The following EIF4EBP1 variants were observed in gnomAD, a reference collection of about 807,000 sequenced individuals.
EIF4EBP1 encodes eukaryotic translation initiation factor 4E-binding protein 1.
EIF4EBP1 carries 5 observed loss-of-function variants against 9.2 expected under a neutral mutation model. The observed-to-expected ratio is 0.54, with a 90% CI of 0.28 to 1.14. EIF4EBP1 has a LOEUF of 1.14. EIF4EBP1 is among the 50% of genes most tolerant of loss of function. The pLI is 0.09. For missense variants in EIF4EBP1, 139 were observed against 169.6 expected, an observed-to-expected ratio of 0.82 and a Z score of 1.00; for synonymous variants, 62 against 67.0, an observed-to-expected ratio of 0.93 and a Z score of 0.36.
Position 38,057,102 on chromosome 8 carries a change from G to A in EIF4EBP1, c.167G>A (p.Arg56Gln), listed in dbSNP as rs767454211. The A allele has an allele frequency of 5.0e-6, 8 of 1,614,142 alleles. No homozygotes were observed. The highest frequency in any genetic ancestry group is 1.1e-5 in the South Asian group (1 of 91,082). The change falls in exon 2 of 3, where the codon CGG becomes CAG. Residue 56 changes from arginine to glutamine, a missense_variant. Coordinates refer to ENST00000338825, the MANE Select transcript of EIF4EBP1 (RefSeq NM_004095.4). Reference protein sequence around the residue: ...TPGGTRIIYDRKFLMECRNSP... With the variant: ...TPGGTRIIYDQKFLMECRNSP... ...CTAGGTACCAGGATCATCTATGACCGGAAATTCCTGATGGAGTGTCGGAAC... is the reference window on the plus strand; with the variant it reads ...CTAGGTACCAGGATCATCTATGACCAGAAATTCCTGATGGAGTGTCGGAAC...
At chr8:38,051,438 T>C (rs1350604340) in intron 1 of EIF4EBP1, among the ~76,000 whole-genome samples, 5 of 152,170 alleles carry the variant, frequency 3.3e-5, no homozygotes, top group African/African-American at 1.2e-4. Flanking sequence ...ATGTCATGGC[T>C]CTGCCATCTT....
chr8:38,059,618 G>A (rs1809642518), intron 2 of EIF4EBP1, among the ~76,000 whole-genome samples: 1 of 151,884 alleles, frequency 6.6e-6, no homozygotes, highest in Non-Finnish European at 1.5e-5. Context: ...TGGGTGTGGT[G>A]GTGGGTGCCT....
At position 38,044,601 on chromosome 8, in the gene EIF4EBP1, G is replaced by C. The variant is rs571956214; in HGVS notation, c.146-12480G>C. Among the ~76,000 whole-genome samples, 14 of 152,264 alleles carry C rather than the reference G, an allele frequency of 9.2e-5. No homozygotes were observed. In the South Asian group the frequency reaches 2.7e-3, roughly 29 times the overall value. On this transcript the variant is annotated intron_variant, in intron 1 of 2. Coordinates refer to ENST00000338825, the MANE Select transcript of EIF4EBP1 (RefSeq NM_004095.4). ...TCATAGGCGCACGCCATCATGCCAG[G>C]CTACTTTTTAAATTTTTTGTAGAGA...
chr8:38,037,634 T>C (rs969488846), intron 1 of EIF4EBP1, among the ~76,000 whole-genome samples: 1 of 151,950 alleles, frequency 6.6e-6, no homozygotes, highest in Non-Finnish European at 1.5e-5. Context: ...GTTTTCTTAC[T>C]GTCAGGCCTG....
In EIF4EBP1 at chr8:38,030,679, A is replaced by C; in HGVS notation, c.106A>C (p.Thr36Pro). The C allele has an allele frequency of 6.7e-7, 1 of 1,485,752 alleles. No homozygotes were observed. The highest frequency in any genetic ancestry group is 1.3e-5 in the South Asian group (1 of 78,388). 92.0% of individuals were successfully genotyped at this position (1,485,752 alleles called of 1,614,324 possible). ...GVQLPPGDYS[T>P]TPGGTLFSTT... Reference sequence around the variant, plus strand: ...GCAGCTCCCGCCCGGGGACTACAGCACGACCCCCGGCGGCACGCTCTTCAG... The same window carrying C: ...GCAGCTCCCGCCCGGGGACTACAGCCCGACCCCCGGCGGCACGCTCTTCAG... Residue 36 changes from threonine to proline, a missense_variant, in exon 1 of 3, where the codon ACG (threonine) becomes CCG (proline). Thr to Pro is a conservative substitution (Grantham distance 38). Transcript: ENST00000338825.
intron 1 of EIF4EBP1, among the ~76,000 whole-genome samples, chr8:38,033,797 A>G (rs1163448110): frequency 2.5e-5 from 3 of 121,626 alleles, no homozygotes; most frequent in African/African-American, 9.7e-5. Context: ...CCCAAGCTGG[A>G]GTGCAATGGT....
intron 1 of EIF4EBP1, among the ~76,000 whole-genome samples, chr8:38,056,445 G>T (rs569318146): frequency 2.6e-5 from 4 of 152,190 alleles, no homozygotes; most frequent in African/African-American, 9.7e-5. Context: ...GTATGTGATT[G>T]TCATGGGTAA....
At chr8:38,033,940 G>A (rs1250900189) in intron 1 of EIF4EBP1, among the ~76,000 whole-genome samples, 2 of 151,802 alleles carry the variant, frequency 1.3e-5, no homozygotes, top group Admixed American at 1.3e-4. Context: ...TAGAGACAGG[G>A]TTTCACCGTG....
rs1291790481 is a variant in EIF4EBP1 at position 38,030,565 on chromosome 8, CAGG to C, written c.-6_-4del. 4.0e-6 allele frequency: 6 copies of C among 1,512,674 alleles called. No individual in the cohort carries two copies. The highest frequency in any genetic ancestry group is 4.4e-6 in the Non-Finnish European group (5 of 1,137,142). 93.7% of individuals were successfully genotyped at this position (1,512,674 alleles called of 1,614,324 possible). On this transcript the variant is annotated 5_prime_UTR_variant, in exon 1 of 3. Coordinates refer to ENST00000338825, the MANE Select transcript of EIF4EBP1 (RefSeq NM_004095.4). ...GCGAGAGGTTCGCGGGTGCAGCGCA[CAGG>C]AGACCATGTCCGGGGGCAGCAGCTG... is the stretch of plus-strand genomic sequence containing the variant.
intron 1 of EIF4EBP1, among the ~76,000 whole-genome samples, chr8:38,043,648 A>G (rs1012405658): frequency 2.6e-5 from 4 of 152,042 alleles, no homozygotes; most frequent in African/African-American, 9.7e-5. Context: ...ACCTGGCCTG[A>G]AGCCAATTTT....
Position 38,057,274 on chromosome 8 carries a change from C to T in EIF4EBP1, c.325+14C>T, listed in dbSNP as rs201320221. 4.6e-4 allele frequency: 672 copies of T among 1,471,184 alleles called. No homozygotes were observed. Among genetic ancestry groups the T allele is most frequent in the Non-Finnish European group, 5.8e-4 (642 of 1,106,334 alleles). 91.1% of individuals were successfully genotyped at this position (1,471,184 alleles called of 1,614,324 possible). ...AGCGGGCGGGCGGTGAGTGTCGGGG[C>T]TTGGCCAGGCTCTACCTTGGGAAAG... is the stretch of plus-strand genomic sequence containing the variant. On this transcript the variant is annotated intron_variant, in intron 2 of 2. Transcript: ENST00000338825.
At chr8:38,037,351 C>G (rs936723980) in intron 1 of EIF4EBP1, among the ~76,000 whole-genome samples, 1 of 151,912 alleles carries the variant, frequency 6.6e-6, no homozygotes, top group Admixed American at 6.6e-5. Context: ...GAGTCTTGCT[C>G]TGTCGCCCAG....
chr8:38,043,502 C>G (rs942039266), intron 1 of EIF4EBP1, among the ~76,000 whole-genome samples: 2 of 151,328 alleles, frequency 1.3e-5, no homozygotes, highest in Non-Finnish European at 2.9e-5. Flanking sequence ...GTAGCTGGGA[C>G]CACCCGGCTA....
At chr8:38,058,561 C>CA (rs1481622511) in intron 2 of EIF4EBP1, among the ~76,000 whole-genome samples, 2 of 152,202 alleles carry the variant, frequency 1.3e-5, no homozygotes, top group Middle Eastern at 3.2e-3. Flanking sequence ...CTGGACCCCC[C>CA]AAACTCATGT....
intron 1 of EIF4EBP1, among the ~76,000 whole-genome samples, chr8:38,048,262 G>A (rs1809471290): frequency 1.3e-5 from 2 of 150,662 alleles, no homozygotes; most frequent in South Asian, 4.2e-4. Context: ...GACAGAGCAA[G>A]ACCCTGTTTC....
chr8:38,039,075 A>T (rs1462664149), intron 1 of EIF4EBP1, among the ~76,000 whole-genome samples: 1 of 151,850 alleles, frequency 6.6e-6, no homozygotes, highest in Non-Finnish European at 1.5e-5. Context: ...TATTTTTAGT[A>T]GAAATGGTGT....
chr8:38,036,834 G>A (rs1272560617), intron 1 of EIF4EBP1, among the ~76,000 whole-genome samples: 1 of 151,928 alleles, frequency 6.6e-6, no homozygotes, highest in Non-Finnish European at 1.5e-5. Flanking sequence ...TTTTTTGGTA[G>A]AGATGAGGTT....
At chr8:38,048,224 G>A (rs1809470850) in intron 1 of EIF4EBP1, among the ~76,000 whole-genome samples, 1 of 151,796 alleles carries the variant, frequency 6.6e-6, no homozygotes, top group African/African-American at 2.4e-5. Flanking sequence ...AGTGAGCCAT[G>A]ATGGCACCAC....
intron 2 of EIF4EBP1, among the ~76,000 whole-genome samples, chr8:38,059,452 A>G (rs1809639806): frequency 6.6e-6 from 1 of 152,080 alleles, no homozygotes; most frequent in Non-Finnish European, 1.5e-5. Context: ...ACCGCGAGCC[A>G]GTTAAACCTC....
Sources: allele counts gnomAD v4.1 joint callset (sites outside exome capture counted in the v4.1 genomes callset), GRCh38; gene constraint gnomAD v4.1.1; transcripts MANE v1.5; gene names NCBI Gene and HGNC (gene_info 2026-07-23, HGNC 2026-07-21).